UBE3A: variants seen among roughly 807,000 people sequenced by gnomAD.
The protein encoded by UBE3A is ubiquitin-protein ligase E3A.
In UBE3A, 6 loss-of-function variants were observed where a neutral mutation model predicts 83.4. The ratio of observed to expected loss-of-function variants is 0.07; its 90% confidence interval spans 0.04 to 0.14. UBE3A has a LOEUF of 0.14. UBE3A is among the 10% of genes least tolerant of loss of function. UBE3A has a pLI of 1.00. For missense variants in UBE3A, 456 were observed against 1,036.1 expected, an observed-to-expected ratio of 0.44 and a Z score of 7.69; for synonymous variants, 337 against 355.4, an observed-to-expected ratio of 0.95 and a Z score of 0.58.
chr15:25,364,100 C>T, intron 6 of UBE3A, among the ~76,000 whole-genome samples: 1 of 150,158 alleles, frequency 6.7e-6, no homozygotes, highest in Non-Finnish European at 1.5e-5. Context: ...GTGGCATGCG[C>T]CTGTCATCCC....
In UBE3A at chr15:25,340,007, T is replaced by C. The variant is rs922488954; in HGVS notation, c.2498+78A>G. 3.8e-6 allele frequency: 6 copies of C among 1,566,650 alleles called. No individual in the cohort carries two copies. The African/African-American group carries it at 6.8e-5, about 18-fold the overall frequency. ...AAATCACGAATGTGCTCAGAAACTA[T>C]AAAGACAGTTCATATGTATGTGACG... On this transcript the variant is annotated intron_variant, in intron 12 of 12. Transcript: ENST00000648336.
At chr15:25,355,073 G>A (rs1303981569) in intron 9 of UBE3A, among the ~76,000 whole-genome samples, 5 of 152,126 alleles carry the variant, frequency 3.3e-5, no homozygotes, top group African/African-American at 7.2e-5. Flanking sequence ...TGCTGGAGAC[G>A]CAGAAAATTC....
intron 11 of UBE3A, chr15:25,345,763 A>G (rs528832832): frequency 1.2e-4 from 18 of 152,312 alleles, no homozygotes; most frequent in African/African-American, 4.1e-4. Flanking sequence ...TTAAAAAATA[A>G]CAAATCATTA....
chr15:25,376,422 C>T (rs2081230957), intron 4 of UBE3A, among the ~76,000 whole-genome samples: 1 of 151,816 alleles, frequency 6.6e-6, no homozygotes, highest in Non-Finnish European at 1.5e-5. Context: ...TGAGGCAGGC[C>T]GACTACTTGA....
intron 3 of UBE3A, 56 bp from the exon 4 acceptor site, chr15:25,405,558 G>T (rs912064991): frequency 4.8e-6 from 7 of 1,465,546 alleles, no homozygotes; most frequent in South Asian, 1.2e-5. Context: ...CAAAAAAAAA[G>T]GTAGACATAT....
chr15:25,385,537 G>GT (rs1397473013), intron 4 of UBE3A, among the ~76,000 whole-genome samples: 15 of 152,052 alleles, frequency 9.9e-5, no homozygotes, highest in African/African-American at 3.4e-4. Context: ...CAACATGAAG[G>GT]TCCCTCAAAA....
chr15:25,358,339 A>G (rs891869748), intron 7 of UBE3A, among the ~76,000 whole-genome samples: 2 of 151,906 alleles, frequency 1.3e-5, no homozygotes, highest in African/African-American at 4.8e-5. Context: ...AGACAGAACC[A>G]CTACACTCCA....
chr15:25,435,016 A>G (rs1054928980), intron 1 of UBE3A, among the ~76,000 whole-genome samples: 1 of 143,154 alleles, frequency 7.0e-6, no homozygotes, highest in African/African-American at 2.6e-5. Flanking sequence ...ACACACACAC[A>G]CACAAATACT....
chr15:25,367,207 AAATATGTAAATATTTACATATT>A (rs2079332826), intron 6 of UBE3A, among the ~76,000 whole-genome samples: 1 of 100,286 alleles, frequency 1.0e-5, no homozygotes, highest in Admixed American at 8.5e-5. Flanking sequence ...ACATATTTGT[AAATATGTAAATATTTACATATT>A]TGTAAATATG....
intron 1 of UBE3A, among the ~76,000 whole-genome samples, chr15:25,434,752 T>C (rs540067811): frequency 7.8e-4 from 119 of 152,306 alleles, no homozygotes; most frequent in Middle Eastern, 6.8e-3. Flanking sequence ...ACTCTGGTTC[T>C]GGTTCTGACA....
chr15:25,417,015 C>T (rs935485078), intron 1 of UBE3A, among the ~76,000 whole-genome samples: 21 of 152,044 alleles, frequency 1.4e-4, no homozygotes, highest in African/African-American at 4.8e-4. Flanking sequence ...TCTGAGAAGG[C>T]AGAGAAATGG....
At chr15:25,410,017 T>G (rs1446199906) in intron 2 of UBE3A, among the ~76,000 whole-genome samples, 1 of 151,868 alleles carries the variant, frequency 6.6e-6, no homozygotes, top group East Asian at 1.9e-4. Flanking sequence ...AGGGGAGGGA[T>G]AGCATTAGGA....
intron 11 of UBE3A, among the ~76,000 whole-genome samples, chr15:25,342,964 G>T (rs2075099893): frequency 6.6e-6 from 1 of 152,156 alleles, no homozygotes; most frequent in Non-Finnish European, 1.5e-5. Flanking sequence ...ACCTTCAAAA[G>T]CAGAAGTGTC....
In UBE3A at chr15:25,357,902, C is replaced by CTTTT. The variant is rs35596421; in HGVS notation, c.1754-1010_1754-1007dup. Among the ~76,000 whole-genome samples, 365 of 95,734 alleles carry CTTTT rather than the reference C, an allele frequency of 3.8e-3. 5 individuals are homozygous for CTTTT. The highest frequency in any genetic ancestry group is 0.011 in the African/African-American group (245 of 22,506). 62.8% of individuals were successfully genotyped at this position (95,734 alleles called of 152,430 possible). The stretch of plus-strand genomic sequence containing the variant: ...ACTATGCAAGCCCCAATCATGGAGG[C>CTTTT]TTTTTTTTTTTTTTTTTTTTTTGAG... On this transcript the variant is annotated intron_variant, in intron 7 of 12. Transcript: ENST00000648336.
At chr15:25,393,667 T>C (rs2084906553) in intron 4 of UBE3A, 1 of 152,240 alleles carries the variant, frequency 6.6e-6, no homozygotes. Context: ...TTTTGCTCAT[T>C]CTACTTTGAG....
At chr15:25,409,617 ACT>A (rs1450154513) in intron 2 of UBE3A, among the ~76,000 whole-genome samples, 1 of 151,672 alleles carries the variant, frequency 6.6e-6, no homozygotes, top group African/African-American at 2.4e-5. Context: ...ACCCAGATAT[ACT>A]GACTTCCTAT....
intron 4 of UBE3A, among the ~76,000 whole-genome samples, chr15:25,389,056 A>T (rs1478712437): frequency 6.6e-6 from 1 of 152,208 alleles, no homozygotes; most frequent in African/African-American, 2.4e-5. Context: ...TGATTTCAAG[A>T]TTTACTGTAA....
chr15:25,340,121 T>C lies in UBE3A; in HGVS notation c.2462A>G (p.Lys821Arg), dbSNP rs1278505481. ...RAPVGGLGKL[K>R]MIIAKNGPDT... ...TGGGCCATTTTTGGCTATAATCATC[T>C]TTAATTTTCCTAGTCCTCCCACAGG... The change falls in exon 12 of 13, where the codon AAG becomes AGG. Residue 821 changes from lysine (K) to arginine (R), a missense_variant. Physicochemically the swap from Lys to Arg is conservative, Grantham distance 26. Around this residue, in one of 13 missense-constraint regions of UBE3A, gnomAD observed 82 missense variants for 199.3 expected, o/e 0.41. Coordinates refer to ENST00000648336, the MANE Select transcript of UBE3A (RefSeq NM_130839.5). 1 of 1,614,096 alleles carries C rather than the reference T, an allele frequency of 6.2e-7. No individual in the cohort carries two copies. Among genetic ancestry groups the C allele is most frequent in the South Asian group, 1.1e-5 (1 of 91,080 alleles).
chr15:25,397,071 A>G (rs2085754755), intron 4 of UBE3A, among the ~76,000 whole-genome samples: 1 of 152,204 alleles, frequency 6.6e-6, no homozygotes, highest in Non-Finnish European at 1.5e-5. Context: ...GGTTGGTACA[A>G]AAGTAATTGA....
Sources: gnomAD v4.1 joint callset for allele counts (sites outside exome capture counted in the v4.1 genomes callset) on GRCh38, gnomAD v4.1.1 for gene constraint, gnomAD v4.1.1 regional missense constraint, MANE v1.5 for transcripts, NCBI Gene and HGNC (gene_info 2026-07-23, HGNC 2026-07-21) for gene names.